LIG1: variants seen among roughly 807,000 people sequenced by gnomAD.
The protein encoded by LIG1 is ligase I, DNA, ATP-dependent.
Under a neutral mutation model 115.7 loss-of-function variants are expected in LIG1, and 70 were observed. The observed-to-expected ratio is 0.60, with a 90% confidence interval of 0.50 to 0.74. The LOEUF (loss-of-function observed/expected upper bound fraction) is 0.74, where lower values mean the gene tolerates loss of function less well. Ranked by LOEUF, LIG1 falls within the 30% of genes least tolerant of loss-of-function variation. The probability of loss-of-function intolerance (pLI) is 0.00; values close to 1 mark genes in which losing one functional copy is unlikely to be tolerated. For missense variants in LIG1, 1,115 were observed against 1,225.6 expected (o/e 0.91, Z 1.35); for synonymous variants, 487 against 495.3 (o/e 0.98, Z 0.22).
At chr19:48,169,545 C>G (rs928081011) in intron 1 of LIG1, 2 of 152,814 alleles carry the variant, frequency 1.3e-5, no homozygotes, top group Non-Finnish European at 2.9e-5. Flanking sequence ...CCAGACGTCT[C>G]CCCATTCAGA....
chr19:48,158,596 T>A (rs145124426), intron 4 of LIG1, among the ~76,000 whole-genome samples: 33 of 151,002 alleles, frequency 2.2e-4, no homozygotes, highest in African/African-American at 6.7e-4. Flanking sequence ...TCCACAAATC[T>A]TCTTCTTGCT....
At position 48,120,842 on chromosome 19, in the gene LIG1, C is replaced by T. The variant is rs897521893; in HGVS notation, c.2385+328G>A. On this transcript the variant is annotated intron_variant, in intron 24 of 27. Transcript: ENST00000263274. The stretch of plus-strand genomic sequence containing the variant: ...AAAAAAAATGTGGGGAGAGGAGGAA[C>T]CTGAATCCCTAATGGCATCAGACTG... 7.6e-6 allele frequency: 6 copies of T among 789,830 alleles called. No individual in the cohort carries two copies. In the South Asian group the frequency reaches 9.5e-5, roughly 13 times the overall value. 48.9% of individuals were successfully genotyped at this position (789,830 alleles called of 1,614,324 possible).
rs1286263216 is a variant in LIG1, at chr19:48,116,075, G to A, written c.2584-110C>T. On this transcript the variant is annotated intron_variant, in intron 26 of 27. Transcript: ENST00000263274. ...CCTGATCCACATGACGGGGCCGAAC[G>A]ATGGGTTGTCATAAGGATTAAACAA... The A allele has an allele frequency of 1.3e-5, 10 of 788,426 alleles. No individual in the cohort carries two copies. In the Admixed American group the frequency reaches 1.4e-4, roughly 11 times the overall value. The allele number at this position is 788,426 out of a possible 1,614,324, so 48.8% of individuals were successfully genotyped here.
intron 1 of LIG1, among the ~76,000 whole-genome samples, chr19:48,166,632 C>T (rs1221967808): frequency 6.6e-6 from 1 of 151,956 alleles, no homozygotes. Flanking sequence ...TTAATGAAAT[C>T]AATAACAGTC....
intron 1 of LIG1, 67 bp from the exon 2 acceptor site, chr19:48,165,690 CCTTT>C (rs1329472268): frequency 6.2e-6 from 7 of 1,125,448 alleles, no homozygotes; most frequent in African/African-American, 5.0e-5. Context: ...CACATAAAAC[CCTTT>C]CTTTAAGAAA....
intron 5 of LIG1, chr19:48,154,290 C>G (rs2035697973): frequency 2.7e-6 from 1 of 366,498 alleles, no homozygotes; most frequent in South Asian, 2.2e-5. Context: ...CCCCACTGCT[C>G]CCCTCAGATC....
chr19:48,151,096 C>A, intron 7 of LIG1, 136 bp downstream of exon 7: 1 of 617,318 alleles, frequency 1.6e-6, no homozygotes, highest in Admixed American at 2.6e-5. Flanking sequence ...GTAATAAAAA[C>A]TATTATTCTT....
intron 2 of LIG1, among the ~76,000 whole-genome samples, chr19:48,165,119 C>T (rs1179451667): frequency 2.0e-5 from 3 of 152,102 alleles, no homozygotes; most frequent in African/African-American, 7.2e-5. Context: ...ATTAGCCAGG[C>T]GTGGTGGCAC....
At chr19:48,138,064 G>T (rs1239046916) in intron 12 of LIG1, among the ~76,000 whole-genome samples, 1 of 152,176 alleles carries the variant, frequency 6.6e-6, no homozygotes, top group African/African-American at 2.4e-5. Context: ...CCTTTCCTCT[G>T]GCGGGTCATG....
chr19:48,141,871 C>T (rs1232754024), intron 11 of LIG1, among the ~76,000 whole-genome samples: 1 of 152,120 alleles, frequency 6.6e-6, no homozygotes, highest in Non-Finnish European at 1.5e-5. Context: ...TGGAACAGCC[C>T]CCCCAAAATT....
intron 20 of LIG1, 152 bp from the exon 21 acceptor site, chr19:48,127,500 T>C: frequency 2.8e-6 from 2 of 717,462 alleles, no homozygotes; most frequent in Non-Finnish European, 2.5e-6. Context: ...CTCCAGGTGC[T>C]GGATCGTTAA....
In LIG1 at chr19:48,154,195, G is replaced by C. The variant is rs554997601; in HGVS notation, c.371-228C>G. 544 of 550,474 alleles carry C rather than the reference G, an allele frequency of 9.9e-4. 2 individuals carry two copies. Among genetic ancestry groups the C allele is most frequent in the Non-Finnish European group, 1.6e-3 (476 of 300,738 alleles). 34.1% of individuals were successfully genotyped at this position (550,474 alleles called of 1,614,324 possible). A position where few individuals can be genotyped will look rare whatever the true frequency, so the allele number is the denominator to read the frequency against. On this transcript the variant is annotated intron_variant, in intron 5 of 27. Transcript: ENST00000263274. ...ATTTCTCTGTGCTTTGCTCTCTCAC[G>C]ACTGCAGAATAGAAATAATCCCCAC... is the stretch of plus-strand genomic sequence containing the variant.
intron 20 of LIG1, 56 bp downstream of exon 20, chr19:48,127,854 G>C (rs2033770960): frequency 6.4e-6 from 9 of 1,406,332 alleles, no homozygotes; most frequent in Non-Finnish European, 9.1e-6. Context: ...AGCCAGGACT[G>C]GGTGGAAGAT....
rs760247419 is a variant in LIG1 at position 48,127,861 on chromosome 19, A to C, written c.1932+49T>G. Reference sequence around the variant, plus strand: ...GGACCCACAGCCAGGACTGGGTGGAAGATGAGGAAGTACGGGGCCTTGGCA... The same window carrying C: ...GGACCCACAGCCAGGACTGGGTGGACGATGAGGAAGTACGGGGCCTTGGCA... On this transcript the variant is annotated intron_variant, in intron 20 of 27. Transcript: ENST00000263274. The C allele has an allele frequency of 7.5e-6, 11 of 1,458,208 alleles. No homozygotes were observed. In the Admixed American group the frequency reaches 1.8e-4, roughly 24 times the overall value. 90.3% of individuals were successfully genotyped at this position (1,458,208 alleles called of 1,614,324 possible).
chr19:48,139,526 C>T (rs2034601979), intron 12 of LIG1, among the ~76,000 whole-genome samples: 1 of 152,144 alleles, frequency 6.6e-6, no homozygotes, highest in South Asian at 2.1e-4. Context: ...GGCAGGCGGG[C>T]CATCCGCATC....
At chr19:48,170,120 G>A in intron 1 of LIG1, 121 bp downstream of exon 1, 1 of 431,876 alleles carries the variant, frequency 2.3e-6, no homozygotes, top group South Asian at 1.6e-5. Flanking sequence ...GCTCTCGGCA[G>A]CCTCAGCGTC....
intron 24 of LIG1, among the ~76,000 whole-genome samples, chr19:48,119,499 G>A (rs2033114305): frequency 6.9e-6 from 1 of 145,048 alleles, no homozygotes; most frequent in South Asian, 2.2e-4. Flanking sequence ...CATCCTCACT[G>A]CCCAGTAACT....
intron 9 of LIG1, among the ~76,000 whole-genome samples, chr19:48,146,538 G>A (rs1356768159): frequency 1.3e-5 from 2 of 152,146 alleles, no homozygotes; most frequent in Non-Finnish European, 2.9e-5. Context: ...AAAGTAGCCG[G>A]GCATGGTGGC....
intron 9 of LIG1, among the ~76,000 whole-genome samples, 162 bp from the exon 10 acceptor site, chr19:48,144,125 G>A (rs1419445025): frequency 6.6e-6 from 1 of 152,184 alleles, no homozygotes; most frequent in Non-Finnish European, 1.5e-5. Flanking sequence ...AGGAGAGTCA[G>A]AGGAAAGTGG....
Sources: gnomAD v4.1 joint callset for allele counts (sites outside exome capture counted in the v4.1 genomes callset) on GRCh38, gnomAD v4.1.1 for gene constraint, MANE v1.5 for transcripts, NCBI Gene and HGNC (gene_info 2026-07-23, HGNC 2026-07-21) for gene names.